PIEZO2: variants seen among roughly 807,000 people sequenced by gnomAD.
The protein encoded by PIEZO2 is piezo-type mechanosensitive ion channel component 2.
Under a neutral mutation model 337.3 loss-of-function variants are expected in PIEZO2, and 172 were observed. The ratio of observed to expected loss-of-function variants is 0.51; its 90% confidence interval spans 0.45 to 0.58. The LOEUF is 0.58. PIEZO2 is among the 20% of genes least tolerant of loss of function. PIEZO2 has a pLI of 0.00. For synonymous variants in PIEZO2, 1,251 were observed against 1,228.5 expected (o/e 1.02, Z -0.38); for missense variants, 3,028 against 3,391.3 (o/e 0.89, Z 2.66).
At position 11,014,928 on chromosome 18, in the gene PIEZO2, G is replaced by C. The variant is rs533608095; in HGVS notation, c.161-35268C>G. ...TCACCCTGGGTGGGACAGCGATCCG[G>C]GGCCCCCCTCATTCCTCAGCGGGGA... On this transcript the variant is annotated intron_variant, in intron 2 of 55. Transcript: ENST00000674853. Among the ~76,000 whole-genome samples the C allele has an allele frequency of 2.3e-5, 3 of 130,354 alleles. No individual in the cohort carries two copies. In the East Asian group the frequency reaches 7.5e-4, roughly 33 times the overall value. The allele number at this position is 130,354 out of a possible 152,430, so 85.5% of individuals were successfully genotyped here.
intron 3 of PIEZO2, among the ~76,000 whole-genome samples, chr18:10,928,516 C>A (rs1421012944): frequency 6.6e-6 from 1 of 152,162 alleles, no homozygotes; most frequent in Non-Finnish European, 1.5e-5. Context: ...TTTTTAAAGT[C>A]CAGTTCTTAA....
rs1465630124 is a variant in PIEZO2, at chr18:11,052,574, A to T, written c.160+13553T>A. Among the ~76,000 whole-genome samples the T allele has an allele frequency of 2.6e-5, 4 of 152,298 alleles. No individual in the cohort carries two copies. The East Asian group carries it at 7.7e-4, about 29-fold the overall frequency. The stretch of plus-strand genomic sequence containing the variant: ...TTTAGAGAAATAAAAGCATCACTGG[A>T]GTAAGGAGGTGGCTTTCTAAGATTG... On this transcript the variant is annotated intron_variant, in intron 2 of 55. Transcript: ENST00000674853.
At chr18:10,840,694 T>A (rs1217668823) in intron 7 of PIEZO2, among the ~76,000 whole-genome samples, 1 of 152,154 alleles carries the variant, frequency 6.6e-6, no homozygotes, top group Non-Finnish European at 1.5e-5. Flanking sequence ...TGAAATTGAA[T>A]CAATTAAGTC....
chr18:11,011,080 G>A (rs572754348), intron 2 of PIEZO2, among the ~76,000 whole-genome samples: 57 of 152,330 alleles, frequency 3.7e-4, no homozygotes, highest in African/African-American at 1.4e-3. Context: ...TCTATAATTT[G>A]TTACAATCCA....
rs183030598 is a variant in PIEZO2 at position 10,747,511 on chromosome 18, G to A, written c.4424+960C>T. Among the ~76,000 whole-genome samples, 450 of 152,312 alleles carry A rather than the reference G, an allele frequency of 3.0e-3. 2 individuals carry two copies. The highest frequency in any genetic ancestry group is 0.01 in the African/African-American group (436 of 41,570). Reference sequence around the variant, plus strand: ...TTCTGCTCTGAAAATAATGTCCTGGGTATTAGAAAATGATTATAACAATGA... The same window carrying A: ...TTCTGCTCTGAAAATAATGTCCTGGATATTAGAAAATGATTATAACAATGA... On this transcript the variant is annotated intron_variant, in intron 30 of 55. Transcript: ENST00000674853.
Position 10,697,667 on chromosome 18 carries a change from C to T in PIEZO2, c.6827+81G>A, listed in dbSNP as rs28546363. ...TGTGACACGAGAAGTTACTTCTCTG[C>T]TCTGCTCCTGGTTTATAGGAAATAA... is the stretch of plus-strand genomic sequence containing the variant. On this transcript the variant is annotated intron_variant, in intron 45 of 55. Coordinates refer to ENST00000674853, the MANE Select transcript of PIEZO2 (RefSeq NM_001378183.1). 3.9e-3 allele frequency: 5,905 copies of T among 1,532,060 alleles called. 160 individuals are homozygous for T. In the African/African-American group the frequency reaches 0.066, roughly 17 times the overall value. The allele number at this position is 1,532,060 out of a possible 1,614,324, so 94.9% of individuals were successfully genotyped here.
intron 7 of PIEZO2, among the ~76,000 whole-genome samples, chr18:10,841,346 C>T (rs1233525904): frequency 6.6e-6 from 1 of 152,036 alleles, no homozygotes; most frequent in Non-Finnish European, 1.5e-5. Context: ...GAGGGAAACC[C>T]AGAAAGAGTT....
At position 11,099,739 on chromosome 18, in the gene PIEZO2, G is replaced by A. The variant is rs1337086751; in HGVS notation, c.65-33517C>T. On this transcript the variant is annotated intron_variant, in intron 1 of 55. Coordinates refer to ENST00000674853, the MANE Select transcript of PIEZO2 (RefSeq NM_001378183.1). This position sits in a 1 kb window ranked among gnomAD's most constrained non-coding sequence, Gnocchi z 5.4. ...CTCCCAAAGTACTGGGATTACAGGC[G>A]TGAGCCACTGTGCCCGTCCTATATC... Among the ~76,000 whole-genome samples the A allele has an allele frequency of 6.6e-6, 1 of 152,194 alleles. No individual in the cohort carries two copies. Among genetic ancestry groups the A allele is most frequent in the Non-Finnish European group, 1.5e-5 (1 of 68,036 alleles).
chr18:11,032,592 T>C lies in PIEZO2; in HGVS notation c.160+33535A>G, dbSNP rs917462385. ...AACACAACAAATACCTCTGGAGATT[T>C]TGAAATACAAAGGATAGGTTTGTGC... is the stretch of plus-strand genomic sequence containing the variant. On this transcript the variant is annotated intron_variant, in intron 2 of 55. Coordinates refer to ENST00000674853, the MANE Select transcript of PIEZO2 (RefSeq NM_001378183.1). The surrounding 1 kb of genome is among the most constrained non-coding windows in gnomAD (Gnocchi z 4.9). Among the ~76,000 whole-genome samples, 4 of 152,216 alleles carry C rather than the reference T, an allele frequency of 2.6e-5. No individual in the cohort carries two copies. Among genetic ancestry groups the C allele is most frequent in the African/African-American group, 9.6e-5 (4 of 41,458 alleles).
intron 54 of PIEZO2, among the ~76,000 whole-genome samples, chr18:10,674,786 A>AG (rs2033920897): frequency 6.6e-6 from 1 of 152,226 alleles, no homozygotes; most frequent in African/African-American, 2.4e-5. Context: ...TCAATCACTA[A>AG]AGTGCCTCTA....
chr18:10,810,859 C>A (rs1218609553), intron 7 of PIEZO2, among the ~76,000 whole-genome samples: 4 of 152,206 alleles, frequency 2.6e-5, no homozygotes, highest in African/African-American at 9.6e-5. Flanking sequence ...CAGCCCCCAA[C>A]TCCAACTGCA....
At position 10,677,841 on chromosome 18, in the gene PIEZO2, T is replaced by C. The variant is rs540106670; in HGVS notation, c.7987A>G (p.Thr2663Ala). Residue 2663 changes from threonine (T) to alanine (A), a missense_variant, in exon 53 of 56, where the codon ACA becomes GCA. Around this residue, in one of 5 missense-constraint regions of PIEZO2, gnomAD observed 332 missense variants for 363.8 expected, o/e 0.91. Coordinates refer to ENST00000674853, the MANE Select transcript of PIEZO2 (RefSeq NM_001378183.1). The surrounding 1 kb of genome is among the most constrained non-coding windows in gnomAD (Gnocchi z 4.1). ...LSLGAKSEIA[T>A]DKLSFPLKNI... ...TTAAGAGGAAAAGAAAGCTTATCTGTTGCTATTTCCGATTTTGCACCCAGA... is the reference window on the plus strand; with the variant it reads ...TTAAGAGGAAAAGAAAGCTTATCTGCTGCTATTTCCGATTTTGCACCCAGA... The C allele has an allele frequency of 3.3e-5, 53 of 1,603,350 alleles. 2 individuals are homozygous for C. Among genetic ancestry groups the C allele is most frequent in the South Asian group, 3.1e-4 (27 of 87,586 alleles).
intron 2 of PIEZO2, among the ~76,000 whole-genome samples, chr18:11,065,032 T>C (rs1229648814): frequency 6.6e-6 from 1 of 152,192 alleles, no homozygotes; most frequent in East Asian, 1.9e-4. Flanking sequence ...TTTATATGCA[T>C]TGTGTATTAA....
intron 3 of PIEZO2, among the ~76,000 whole-genome samples, chr18:10,915,455 A>C (rs181888486): frequency 6.6e-6 from 1 of 152,232 alleles, no homozygotes; most frequent in East Asian, 1.9e-4. Context: ...GAAAATAAGA[A>C]CAATTCCTTG....
intron 33 of PIEZO2, among the ~76,000 whole-genome samples, chr18:10,737,285 G>GAA (rs372133058): frequency 1.6e-5 from 1 of 64,212 alleles, no homozygotes. Context: ...CAAGACATTT[G>GAA]AAAAAAAAAA....
At position 10,942,858 on chromosome 18, in the gene PIEZO2, C is replaced by T. The variant is rs1000780536; in HGVS notation, c.287-31630G>A. Among the ~76,000 whole-genome samples the T allele has an allele frequency of 4.6e-5, 7 of 152,158 alleles. No homozygotes were observed. The highest frequency in any genetic ancestry group is 9.7e-5 in the African/African-American group (4 of 41,440). ...ATTTAGTAGGCCAGGCTCAGGGTCCCCGTGCTGTGTGCAGCCTAGGGAATT... is the reference window on the plus strand; with the variant it reads ...ATTTAGTAGGCCAGGCTCAGGGTCCTCGTGCTGTGTGCAGCCTAGGGAATT... On this transcript the variant is annotated intron_variant, in intron 3 of 55. Coordinates refer to ENST00000674853, the MANE Select transcript of PIEZO2 (RefSeq NM_001378183.1). The surrounding 1 kb of genome is among the most constrained non-coding windows in gnomAD (Gnocchi z 4.4).
intron 3 of PIEZO2, among the ~76,000 whole-genome samples, chr18:10,936,407 C>A (rs1021750677): frequency 2.6e-4 from 39 of 152,098 alleles, no homozygotes; most frequent in African/African-American, 8.5e-4. Flanking sequence ...TAACATACTC[C>A]TCCGAAAATT....
In PIEZO2 at chr18:10,714,812, T is replaced by C; in HGVS notation, c.5375A>G (p.Gln1792Arg). The C allele has an allele frequency of 6.5e-7, 1 of 1,537,282 alleles. No homozygotes were observed. The highest frequency in any genetic ancestry group is 8.7e-7 in the Non-Finnish European group (1 of 1,146,908). The part of the protein sequence containing the change: ...DEHPGAASGA[Q>R]TAHRMDSLDS... ...TAAACTATCCATCCTGTGGGCTGTC[T>C]GTGCACCTGAAGCAGCTCCGGGATG... is the stretch of plus-strand genomic sequence containing the variant. The change falls in exon 39 of 56, where the codon CAG becomes CGG. Residue 1792 changes from glutamine (Q) to arginine (R), a missense_variant. Gln to Arg is a conservative substitution (Grantham distance 43, BLOSUM62 1). This residue lies in a region of PIEZO2 where 1,925 missense variants were observed against 2,051.9 expected (regional missense o/e 0.94). Coordinates refer to ENST00000674853, the MANE Select transcript of PIEZO2 (RefSeq NM_001378183.1).
At chr18:10,737,594 C>G (rs887978657) in intron 33 of PIEZO2, 67 of 152,198 alleles carry the variant, frequency 4.4e-4, no homozygotes, top group African/African-American at 1.4e-3. Context: ...TTTGCCTTGT[C>G]TGATACTTTC....
Sources: allele counts gnomAD v4.1 joint callset (sites outside exome capture counted in the v4.1 genomes callset), GRCh38; gene constraint gnomAD v4.1.1; regional missense constraint gnomAD v4.1.1; non-coding constraint Gnocchi (gnomAD v3.1); transcripts MANE v1.5; gene names NCBI Gene and HGNC (gene_info 2026-07-23, HGNC 2026-07-21).